Variants in MACROD2 observed in about 807,000 individuals in gnomAD.
The protein encoded by MACROD2 is mono-ADP ribosylhydrolase 2.
Under a neutral mutation model 70.4 loss-of-function variants are expected in MACROD2, and 36 were observed. The ratio of observed to expected loss-of-function variants is 0.51; its 90% CI spans 0.39 to 0.68. MACROD2 has a LOEUF of 0.68. MACROD2 is among the 30% of genes least tolerant of loss of function. The pLI is 0.00. For missense variants in MACROD2, 496 were observed against 538.4 expected (o/e 0.92, Z 0.78); for synonymous variants, 172 against 178.8 (o/e 0.96, Z 0.30).
intron 5 of MACROD2, among the ~76,000 whole-genome samples, chr20:14,937,889 C>T (rs1249397131): frequency 6.6e-6 from 1 of 152,034 alleles, no homozygotes; most frequent in Non-Finnish European, 1.5e-5. Flanking sequence ...TATCTTTATG[C>T]AGTCCACTTT....
intron 10 of MACROD2, among the ~76,000 whole-genome samples, chr20:15,926,968 C>T (rs1381650406): frequency 6.6e-6 from 1 of 152,158 alleles, no homozygotes; most frequent in Non-Finnish European, 1.5e-5. Context: ...CAAAACACAT[C>T]AGGAAGCCAT....
intron 8 of MACROD2, among the ~76,000 whole-genome samples, chr20:15,769,481 T>C (rs903750405): frequency 1.3e-5 from 2 of 152,216 alleles, no homozygotes; most frequent in African/African-American, 2.4e-5. Context: ...ATTATGTATG[T>C]ATATAATCAT....
intron 3 of MACROD2, among the ~76,000 whole-genome samples, chr20:14,168,533 T>G (rs1209244887): frequency 6.6e-6 from 1 of 152,204 alleles, no homozygotes; most frequent in Non-Finnish European, 1.5e-5. Context: ...TGTAGTACAT[T>G]TGTTACAATA....
chr20:15,745,061 G>A (rs1379103385), intron 8 of MACROD2, among the ~76,000 whole-genome samples: 1 of 152,088 alleles, frequency 6.6e-6, no homozygotes, highest in Non-Finnish European at 1.5e-5. Flanking sequence ...AGTTTATGGT[G>A]GTAGCTACAG....
At chr20:14,474,262 T>C (rs931404176) in intron 3 of MACROD2, among the ~76,000 whole-genome samples, 1 of 152,156 alleles carries the variant, frequency 6.6e-6, no homozygotes, top group Non-Finnish European at 1.5e-5. Flanking sequence ...TAATGTTATG[T>C]TATGAAGTGT....
At chr20:15,361,612 T>C (rs1412858024) in intron 6 of MACROD2, among the ~76,000 whole-genome samples, 1 of 152,234 alleles carries the variant, frequency 6.6e-6, no homozygotes, top group African/African-American at 2.4e-5. Context: ...AGAATTTTTA[T>C]TGGAATTGTG....
chr20:14,481,617 T>A (rs2084664601), intron 3 of MACROD2, among the ~76,000 whole-genome samples: 1 of 152,238 alleles, frequency 6.6e-6, no homozygotes, highest in African/African-American at 2.4e-5. Context: ...GGGCATTGGA[T>A]ATCCATCTAT....
chr20:14,784,389 C>T (rs2072338474), intron 5 of MACROD2, among the ~76,000 whole-genome samples: 2 of 152,092 alleles, frequency 1.3e-5, no homozygotes, highest in Admixed American at 6.6e-5. Context: ...TCCAAGCTCA[C>T]TTTCTCTAAG....
chr20:15,928,112 G>A (rs1174486594), intron 10 of MACROD2, among the ~76,000 whole-genome samples: 3 of 152,178 alleles, frequency 2.0e-5, no homozygotes, highest in Non-Finnish European at 2.9e-5. Flanking sequence ...GATCTGGATG[G>A]TTGTATTGTG....
chr20:14,881,324 C>T (rs2122467165), intron 5 of MACROD2, among the ~76,000 whole-genome samples: 1 of 150,576 alleles, frequency 6.6e-6, no homozygotes, highest in Admixed American at 6.7e-5. Context: ...TCTACCACCT[C>T]TGTTGACTTA....
intron 8 of MACROD2, among the ~76,000 whole-genome samples, chr20:15,791,009 T>C (rs1462537334): frequency 1.3e-5 from 2 of 151,990 alleles, no homozygotes; most frequent in Admixed American, 6.5e-5. Context: ...TGTACATGTC[T>C]TTGTGTTCTG....
chr20:15,526,094 C>T (rs767012736), intron 8 of MACROD2, among the ~76,000 whole-genome samples: 2 of 152,020 alleles, frequency 1.3e-5, no homozygotes, highest in East Asian at 1.9e-4. Flanking sequence ...GAAGGATGTA[C>T]GGCATTACTG....
At chr20:14,656,529 G>T (rs1985986712) in intron 4 of MACROD2, among the ~76,000 whole-genome samples, 2 of 152,276 alleles carry the variant, frequency 1.3e-5, no homozygotes, top group East Asian at 3.9e-4. Context: ...TAGGTTAGCT[G>T]GTTTATTTCT....
At chr20:15,311,596 T>C (rs1600228397) in intron 6 of MACROD2, among the ~76,000 whole-genome samples, 2 of 152,184 alleles carry the variant, frequency 1.3e-5, no homozygotes, top group South Asian at 4.1e-4. Flanking sequence ...TAGAATACTA[T>C]GGAGCCACAA....
chr20:15,107,517 G>A (rs2075920397), intron 5 of MACROD2, among the ~76,000 whole-genome samples: 1 of 151,426 alleles, frequency 6.6e-6, no homozygotes, highest in Admixed American at 6.6e-5. Context: ...TCTTCAACAA[G>A]TAACATACTC....
At chr20:14,390,004 G>A (rs2122799274) in intron 3 of MACROD2, among the ~76,000 whole-genome samples, 1 of 152,296 alleles carries the variant, frequency 6.6e-6, no homozygotes, top group Admixed American at 6.5e-5. Context: ...AAGCATCATA[G>A]TCTTAGCCCA....
At position 14,897,867 on chromosome 20, in the gene MACROD2, C is replaced by A. The variant is rs149407683; in HGVS notation, c.418+212908C>A. Among the ~76,000 whole-genome samples the A allele has an allele frequency of 3.9e-4, 59 of 152,144 alleles. No individual in the cohort carries two copies. The East Asian group carries it at 0.011, about 29-fold the overall frequency. Reference sequence around the variant, plus strand: ...CATAGATGGCCGTCTTCTCATTGTACCCTCACATGCCCAAAGTGGCCAACA... The same window carrying A: ...CATAGATGGCCGTCTTCTCATTGTAACCTCACATGCCCAAAGTGGCCAACA... On this transcript the variant is annotated intron_variant, in intron 5 of 17. Transcript: ENST00000684519.
intron 8 of MACROD2, among the ~76,000 whole-genome samples, chr20:15,534,975 C>CAT (rs759356322): frequency 5.0e-4 from 76 of 152,058 alleles, no homozygotes; most frequent in African/African-American, 8.9e-4. Flanking sequence ...ATATAAAAAA[C>CAT]ATATATATAT....
At chr20:14,421,071 G>GTAA (rs2083871731) in intron 3 of MACROD2, among the ~76,000 whole-genome samples, 1 of 152,186 alleles carries the variant, frequency 6.6e-6, no homozygotes, top group African/African-American at 2.4e-5. Context: ...AACACGCTTG[G>GTAA]TAATGGTGTA....
Sources: gnomAD v4.1 joint callset for allele counts (sites outside exome capture counted in the v4.1 genomes callset) on GRCh38, gnomAD v4.1.1 for gene constraint, MANE v1.5 for transcripts, NCBI Gene and HGNC (gene_info 2026-07-23, HGNC 2026-07-21) for gene names.